Variants in MYO7A observed in about 807,000 individuals in gnomAD.
The protein encoded by MYO7A is myosin VIIA.
MYO7A carries 210 observed loss-of-function variants against 263.8 expected under a neutral mutation model. That is an observed-to-expected ratio of 0.80 (90% confidence interval 0.71 to 0.89). The LOEUF is 0.89. Among genes scored for constraint, MYO7A ranks in the 40% least tolerant of loss-of-function variants. MYO7A has a pLI of 0.00. For synonymous variants in MYO7A, 1,239 were observed against 1,197.3 expected, an observed-to-expected ratio of 1.03 and a Z score of -0.72; for missense variants, 2,820 against 2,968.3, an observed-to-expected ratio of 0.95 and a Z score of 1.16.
chr11:77,189,724 G>A (rs994632426), intron 28 of MYO7A, among the ~76,000 whole-genome samples: 24 of 152,218 alleles, frequency 1.6e-4, no homozygotes, highest in South Asian at 2.1e-4. Context: ...CTGCACCCTC[G>A]TCTTGGGGCA....
At chr11:77,192,378 G>C in intron 31 of MYO7A, 100 bp downstream of exon 31, 1 of 1,235,290 alleles carries the variant, frequency 8.1e-7, no homozygotes, top group Non-Finnish European at 1.2e-6. Context: ...ATTAGCTCAG[G>C]CTGGGGTGAG....
intron 2 of MYO7A, among the ~76,000 whole-genome samples, chr11:77,136,389 C>G (rs982098389): frequency 2.6e-5 from 4 of 152,166 alleles, no homozygotes; most frequent in African/African-American, 9.7e-5. Context: ...AGTAGTCGTT[C>G]TGGAACCAGG....
chr11:77,213,774 CCTG>C, intron 47 of MYO7A, 83 bp from the exon 48 acceptor site: 1 of 1,591,850 alleles, frequency 6.3e-7, no homozygotes, highest in Admixed American at 1.7e-5. Context: ...CCTCTGAGGG[CCTG>C]AGGCCTTCTG....
intron 18 of MYO7A, among the ~76,000 whole-genome samples, chr11:77,176,506 C>T (rs1954665290): frequency 6.6e-6 from 1 of 152,164 alleles, no homozygotes; most frequent in Admixed American, 6.5e-5. Flanking sequence ...AAGCAGGGAG[C>T]AGGACTTCTA....
chr11:77,143,065 A>ATG (rs367820455), intron 3 of MYO7A, among the ~76,000 whole-genome samples: 30 of 151,688 alleles, frequency 2.0e-4, no homozygotes, highest in African/African-American at 6.3e-4. Flanking sequence ...GGTGTTAGAG[A>ATG]TGTGTGTGTG....
At chr11:77,201,755 A>T in intron 36 of MYO7A, 117 bp downstream of exon 36, 2 of 1,139,152 alleles carry the variant, frequency 1.8e-6, no homozygotes, top group Non-Finnish European at 2.4e-6. Context: ...TGATCTTGGG[A>T]TCTTATGGGA....
intron 4 of MYO7A, among the ~76,000 whole-genome samples, chr11:77,150,029 C>T (rs1565325520): frequency 6.6e-6 from 1 of 152,198 alleles, no homozygotes; most frequent in African/African-American, 2.4e-5. Context: ...GCCACTCACC[C>T]AGGCCTGGGC....
chr11:77,156,582 G>A, intron 5 of MYO7A, 78 bp from the exon 6 acceptor site: 1 of 1,590,242 alleles, frequency 6.3e-7, no homozygotes, highest in East Asian at 2.2e-5. Context: ...CTGGTGGATG[G>A]TGCAGCCTGG....
chr11:77,214,994 C>T lies in MYO7A; in HGVS notation c.*298C>T. ...CCTTAGATGTGTCTCCTGTTTCAGACCAGCCCCACCATGCAACTTCCTTTG... is the reference window on the plus strand; with the variant it reads ...CCTTAGATGTGTCTCCTGTTTCAGATCAGCCCCACCATGCAACTTCCTTTG... On this transcript the variant is annotated 3_prime_UTR_variant, in exon 49 of 49. Transcript: ENST00000409709. 2.7e-6 allele frequency: 1 copy of T among 364,414 alleles called. No homozygotes were observed. Among genetic ancestry groups the T allele is most frequent in the Admixed American group, 4.1e-5 (1 of 24,150 alleles). The allele number at this position is 364,414 out of a possible 1,614,324, so 22.6% of individuals were successfully genotyped here.
chr11:77,176,893 T>C (rs1954695142), intron 18 of MYO7A, among the ~76,000 whole-genome samples: 1 of 152,098 alleles, frequency 6.6e-6, no homozygotes, highest in Non-Finnish European at 1.5e-5. Context: ...TCATATATAT[T>C]AAGTGAACCA....
chr11:77,193,107 C>G (rs71466399), intron 31 of MYO7A, among the ~76,000 whole-genome samples: 16,525 of 44,698 alleles, frequency 0.37, 4,561 homozygotes, highest in Middle Eastern at 0.48. Flanking sequence ...GGTAGTGATG[C>G]TGTTGGTGAT....
rs1957972028 is a variant in MYO7A, at chr11:77,212,950, A to G, written c.6355-2A>G. 8 of 1,588,568 alleles carry G rather than the reference A, an allele frequency of 5.0e-6. No individual in the cohort carries two copies. Among genetic ancestry groups the G allele is most frequent in the Non-Finnish European group, 6.9e-6 (8 of 1,166,666 alleles). Reference sequence around the variant, plus strand: ...CTGATGCCTTCTCATCTTTTTTTCTAGCAAACTACGGAGCCAAACTTCCCT... The same window carrying G: ...CTGATGCCTTCTCATCTTTTTTTCTGGCAAACTACGGAGCCAAACTTCCCT... On this transcript the variant is annotated splice_acceptor_variant, in intron 46 of 48. Transcript: ENST00000409709. LOFTEE classifies it high-confidence loss of function.
intron 2 of MYO7A, among the ~76,000 whole-genome samples, chr11:77,135,825 C>T (rs1950888906): frequency 6.6e-6 from 1 of 152,140 alleles, no homozygotes; most frequent in South Asian, 2.1e-4. Context: ...TTGCATTATC[C>T]TAATGATGAA....
At chr11:77,177,855 C>A (rs998198651) in intron 19 of MYO7A, among the ~76,000 whole-genome samples, 1 of 152,094 alleles carries the variant, frequency 6.6e-6, no homozygotes, top group Non-Finnish European at 1.5e-5. Context: ...GCCACGTAAG[C>A]CAAATAATGC....
Position 77,140,973 on chromosome 11 carries a change from C to A in MYO7A, c.19-1736C>A, listed in dbSNP as rs140270669. Among the ~76,000 whole-genome samples the A allele has an allele frequency of 4.0e-4, 61 of 152,200 alleles. 1 individual carries two copies. The East Asian group carries it at 0.011, about 28-fold the overall frequency. ...GCAGTGGTCCCATAAGACTATAATG[C>A]CATATTTTACTGTACCTTTTATGTG... On this transcript the variant is annotated intron_variant, in intron 2 of 48. Coordinates refer to ENST00000409709, the MANE Select transcript of MYO7A (RefSeq NM_000260.4).
chr11:77,166,197 G>GCC lies in MYO7A; in HGVS notation c.1797+39_1797+40dup, dbSNP rs782160923. 9 of 1,572,358 alleles carry GCC rather than the reference G, an allele frequency of 5.7e-6. No homozygotes were observed. In the Admixed American group the frequency reaches 1.5e-4, roughly 26 times the overall value. On this transcript the variant is annotated intron_variant, in intron 15 of 48. Coordinates refer to ENST00000409709, the MANE Select transcript of MYO7A (RefSeq NM_000260.4). ...GTGCGGTTTCTGTTGTTCGGGAAGG[G>GCC]CCCCCACGGGCCAGGCCTGAGTCTA...
At chr11:77,144,006 A>G (rs540503801) in intron 3 of MYO7A, among the ~76,000 whole-genome samples, 1 of 152,214 alleles carries the variant, frequency 6.6e-6, no homozygotes, top group East Asian at 1.9e-4. Context: ...CAGGGAGGGA[A>G]AGAATTGTCA....
intron 1 of MYO7A, among the ~76,000 whole-genome samples, chr11:77,129,670 AT>A (rs1565289885): frequency 6.6e-6 from 1 of 152,182 alleles, no homozygotes; most frequent in Non-Finnish European, 1.5e-5. Context: ...CATAATGCAT[AT>A]AGTCAAAATG....
intron 13 of MYO7A, among the ~76,000 whole-genome samples, chr11:77,162,545 T>C (rs1321139205): frequency 1.3e-5 from 2 of 152,084 alleles, no homozygotes; most frequent in African/African-American, 4.8e-5. Context: ...ATGCATGCAG[T>C]TGGCATGGAA....
Sources: allele counts gnomAD v4.1 joint callset (sites outside exome capture counted in the v4.1 genomes callset), GRCh38; gene constraint gnomAD v4.1.1; transcripts MANE v1.5; gene names NCBI Gene and HGNC (gene_info 2026-07-23, HGNC 2026-07-21).